The following SLC39A11 variants were observed in gnomAD, a reference collection of about 807,000 sequenced individuals.
The protein encoded by SLC39A11 is zinc transporter ZIP11.
SLC39A11 carries 33 observed loss-of-function variants against 36.1 expected under a neutral mutation model. The ratio of observed to expected loss-of-function variants is 0.91; its 90% CI spans 0.69 to 1.22. The LOEUF (loss-of-function observed/expected upper bound fraction) is 1.22, where lower values mean the gene tolerates loss of function less well. SLC39A11 is among the 50% of genes most tolerant of loss of function. SLC39A11 has a pLI of 0.00. For missense variants in SLC39A11, 432 were observed against 430.3 expected, an observed-to-expected ratio of 1.00 and a Z score of -0.03; for synonymous variants, 166 against 170.3, an observed-to-expected ratio of 0.97 and a Z score of 0.20.
intron 2 of SLC39A11, among the ~76,000 whole-genome samples, chr17:73,086,878 C>T (rs759085456): frequency 5.9e-5 from 9 of 151,424 alleles, no homozygotes; most frequent in Non-Finnish European, 1.2e-4. Context: ...ACCAGCGAAA[C>T]CCCGTCTCTA....
chr17:72,815,509 T>A (rs2077553796), intron 6 of SLC39A11, among the ~76,000 whole-genome samples: 1 of 151,928 alleles, frequency 6.6e-6, no homozygotes, highest in Admixed American at 6.6e-5. Context: ...CCCAGCTACT[T>A]GGGAGGCTGA....
intron 4 of SLC39A11, among the ~76,000 whole-genome samples, chr17:72,977,776 CA>C (rs2087971544): frequency 6.6e-6 from 1 of 152,178 alleles, no homozygotes; most frequent in African/African-American, 2.4e-5. Flanking sequence ...TGATATTATC[CA>C]AAGGGTAACG....
chr17:72,945,482 A>G (rs1031919136), intron 5 of SLC39A11, among the ~76,000 whole-genome samples: 1 of 152,224 alleles, frequency 6.6e-6, no homozygotes, highest in Non-Finnish European at 1.5e-5. Context: ...GCATGAAGCC[A>G]GTTATCAAAT....
At chr17:72,926,420 G>A (rs2084052139) in intron 5 of SLC39A11, among the ~76,000 whole-genome samples, 1 of 152,184 alleles carries the variant, frequency 6.6e-6, no homozygotes, top group South Asian at 2.1e-4. Context: ...CAGGGATTGT[G>A]TTTGTCTTGT....
chr17:72,768,667 T>A (rs1426521680), intron 6 of SLC39A11, among the ~76,000 whole-genome samples: 1 of 152,244 alleles, frequency 6.6e-6, no homozygotes, highest in Non-Finnish European at 1.5e-5. Flanking sequence ...GCACAGTCCT[T>A]GCTGTGGTCG....
At chr17:73,079,511 C>G (rs1274065386) in intron 3 of SLC39A11, among the ~76,000 whole-genome samples, 1 of 152,148 alleles carries the variant, frequency 6.6e-6, no homozygotes, top group African/African-American at 2.4e-5. Context: ...TAATAAAAGT[C>G]ATCCAGGACA....
chr17:72,663,227 A>G (rs1403822713), intron 7 of SLC39A11, among the ~76,000 whole-genome samples: 1 of 152,246 alleles, frequency 6.6e-6, no homozygotes, highest in Non-Finnish European at 1.5e-5. Context: ...GAAATTTTAC[A>G]AACAACACGT....
intron 5 of SLC39A11, among the ~76,000 whole-genome samples, chr17:72,904,949 G>A (rs1005039397): frequency 2.6e-5 from 4 of 151,824 alleles, no homozygotes; most frequent in Admixed American, 6.6e-5. Flanking sequence ...CGAGGCAGGC[G>A]GATCACGAGG....
chr17:72,859,148 G>A (rs900153033), intron 5 of SLC39A11, among the ~76,000 whole-genome samples: 12 of 152,318 alleles, frequency 7.9e-5, no homozygotes, highest in African/African-American at 2.9e-4. Flanking sequence ...AGAAGAGGAT[G>A]TACAAGAGCT....
intron 5 of SLC39A11, among the ~76,000 whole-genome samples, chr17:72,876,337 A>C (rs1315780550): frequency 6.6e-6 from 1 of 152,260 alleles, no homozygotes. Context: ...GCCAAAGTCA[A>C]GTACAAAGAA....
intron 4 of SLC39A11, among the ~76,000 whole-genome samples, chr17:72,970,667 T>C (rs1034286072): frequency 4.6e-5 from 7 of 152,356 alleles, no homozygotes; most frequent in African/African-American, 1.7e-4. Context: ...ACTGTCATTT[T>C]ATGCTTATTT....
chr17:72,790,581 G>T (rs1355137348), intron 6 of SLC39A11, among the ~76,000 whole-genome samples: 1 of 151,780 alleles, frequency 6.6e-6, no homozygotes, highest in Non-Finnish European at 1.5e-5. Flanking sequence ...GCCCAGGCTG[G>T]AGTGCAGTGG....
intron 5 of SLC39A11, among the ~76,000 whole-genome samples, chr17:72,886,720 C>T (rs2081453414): frequency 6.6e-6 from 1 of 152,196 alleles, no homozygotes; most frequent in South Asian, 2.1e-4. Context: ...TCTGAAAGTG[C>T]TAGTGGTCCC....
chr17:73,041,262 G>A (rs2059106094), intron 3 of SLC39A11, among the ~76,000 whole-genome samples: 3 of 152,226 alleles, frequency 2.0e-5, no homozygotes, highest in Admixed American at 2.0e-4. Flanking sequence ...AGGAAAGGAA[G>A]AGGACATGGC....
At chr17:73,006,306 A>G (rs12944554) in intron 4 of SLC39A11, among the ~76,000 whole-genome samples, 12,083 of 152,284 alleles carry the variant, frequency 0.079, 761 homozygotes, top group African/African-American at 0.17. Context: ...TGAGAACACA[A>G]AACAAAGTTT....
At chr17:72,845,287 G>T (rs1287802257) in intron 6 of SLC39A11, among the ~76,000 whole-genome samples, 1 of 152,164 alleles carries the variant, frequency 6.6e-6, no homozygotes, top group Non-Finnish European at 1.5e-5. Flanking sequence ...TCTAAAGGAG[G>T]GGCTGACATC....
At chr17:72,939,199 G>C (rs1264778952) in intron 5 of SLC39A11, among the ~76,000 whole-genome samples, 1 of 152,166 alleles carries the variant, frequency 6.6e-6, no homozygotes, top group Non-Finnish European at 1.5e-5. Context: ...GGTGGCTCAC[G>C]CCTATAATCC....
intron 5 of SLC39A11, among the ~76,000 whole-genome samples, chr17:72,863,444 G>A: frequency 6.6e-6 from 1 of 152,176 alleles, no homozygotes; most frequent in East Asian, 1.9e-4. Flanking sequence ...CACTGGGAGA[G>A]TGAGTGTGGA....
intron 6 of SLC39A11, among the ~76,000 whole-genome samples, chr17:72,773,021 G>C (rs1346853332): frequency 6.6e-6 from 1 of 152,178 alleles, no homozygotes; most frequent in Non-Finnish European, 1.5e-5. Context: ...GGGAGGTGGA[G>C]GTTGCAGTGA....
Sources: gnomAD v4.1 joint callset for allele counts (sites outside exome capture counted in the v4.1 genomes callset) on GRCh38, gnomAD v4.1.1 for gene constraint, MANE v1.5 for transcripts, NCBI Gene and HGNC (gene_info 2026-07-23, HGNC 2026-07-21) for gene names.